Variants in DLG2 observed in about 807,000 individuals in gnomAD.
The protein encoded by DLG2 is discs large MAGUK scaffold protein 2.
In DLG2, 45 loss-of-function variants were observed where a neutral mutation model predicts 132.5. The observed-to-expected ratio is 0.34, with a 90% CI of 0.27 to 0.44. The LOEUF (loss-of-function observed/expected upper bound fraction) is 0.44. DLG2 is among the 20% of genes least tolerant of loss of function. DLG2 has a pLI of 1.00. For synonymous variants in DLG2, 424 were observed against 419.6 expected (o/e 1.01, Z -0.13); for missense variants, 1,045 against 1,196.9 (o/e 0.87, Z 1.87).
intron 6 of DLG2, among the ~76,000 whole-genome samples, chr11:84,995,728 T>A (rs188319985): frequency 0.021 from 3,194 of 151,590 alleles, 54 homozygotes; most frequent in Admixed American, 0.042. Flanking sequence ...AATTTTTTTT[T>A]AAAAAAAAAG....
intron 11 of DLG2, among the ~76,000 whole-genome samples, chr11:84,046,012 T>G (rs1216082934): frequency 6.6e-6 from 1 of 151,606 alleles, no homozygotes; most frequent in African/African-American, 2.4e-5. Context: ...GTCTCCCAAG[T>G]GAACAGCTAC....
At chr11:85,583,668 T>C (rs993015961) in intron 3 of DLG2, among the ~76,000 whole-genome samples, 10 of 152,186 alleles carry the variant, frequency 6.6e-5, no homozygotes, top group African/African-American at 2.4e-4. Flanking sequence ...TCTCTAACTC[T>C]TCTATCTTTC....
At chr11:85,040,910 AAG>A (rs1231853324) in intron 6 of DLG2, among the ~76,000 whole-genome samples, 1 of 151,850 alleles carries the variant, frequency 6.6e-6, no homozygotes, top group African/African-American at 2.4e-5. Flanking sequence ...TGAGGAAACT[AAG>A]AGAAAAACGA....
chr11:84,547,639 A>C (rs916119743), intron 6 of DLG2, among the ~76,000 whole-genome samples: 14 of 152,172 alleles, frequency 9.2e-5, no homozygotes, highest in Admixed American at 2.6e-4. Context: ...ATATCTTTCC[A>C]GATGCTTTCC....
intron 6 of DLG2, among the ~76,000 whole-genome samples, chr11:84,860,115 A>C (rs2083414065): frequency 6.6e-6 from 1 of 152,146 alleles, no homozygotes; most frequent in Non-Finnish European, 1.5e-5. Context: ...GAAATCAACA[A>C]ACATTTGTTG....
chr11:85,135,534 A>G (rs1358466561), intron 5 of DLG2, among the ~76,000 whole-genome samples: 1 of 152,204 alleles, frequency 6.6e-6, no homozygotes, highest in Non-Finnish European at 1.5e-5. Context: ...TTAGTCTTCT[A>G]ACGTTGGTGG....
chr11:84,907,610 T>G (rs55664471), intron 6 of DLG2, among the ~76,000 whole-genome samples: 17,194 of 152,174 alleles, frequency 0.11, 1,013 homozygotes, highest in African/African-American at 0.14. Flanking sequence ...TAACTAATTT[T>G]GCCTGGGATA....
chr11:85,282,487 T>C (rs558217394), intron 4 of DLG2, among the ~76,000 whole-genome samples: 1 of 144,796 alleles, frequency 6.9e-6, no homozygotes, highest in East Asian at 2.0e-4. Context: ...TGTATAACTA[T>C]TATGTATCCA....
intron 3 of DLG2, among the ~76,000 whole-genome samples, chr11:85,363,184 G>C (rs1802321104): frequency 6.6e-6 from 1 of 152,280 alleles, no homozygotes; most frequent in East Asian, 1.9e-4. Context: ...AAACCATCAT[G>C]GTATTTACTA....
At chr11:83,485,903 G>T (rs1012423224) in intron 21 of DLG2, among the ~76,000 whole-genome samples, 7 of 152,064 alleles carry the variant, frequency 4.6e-5, no homozygotes, top group African/African-American at 1.7e-4. Flanking sequence ...CAGCAAAGTA[G>T]TAGAGCTCAA....
intron 17 of DLG2, among the ~76,000 whole-genome samples, chr11:83,792,273 T>A (rs566027336): frequency 1.4e-3 from 209 of 152,362 alleles, no homozygotes; most frequent in African/African-American, 4.1e-3. Context: ...TGTTTTTTTT[T>A]AATTTGCTAT....
chr11:83,821,144 A>G (rs1231051919), intron 17 of DLG2, among the ~76,000 whole-genome samples: 1 of 152,246 alleles, frequency 6.6e-6, no homozygotes, highest in Non-Finnish European at 1.5e-5. Context: ...CTAGCTGGAA[A>G]GTTCACATCT....
intron 6 of DLG2, among the ~76,000 whole-genome samples, chr11:85,066,477 G>A (rs1033550525): frequency 5.3e-5 from 8 of 151,410 alleles, no homozygotes; most frequent in Non-Finnish European, 1.2e-4. Context: ...ACAAAGACAG[G>A]CAAGAACACA....
At chr11:84,513,627 C>T (rs1449943631) in intron 7 of DLG2, among the ~76,000 whole-genome samples, 1 of 151,998 alleles carries the variant, frequency 6.6e-6, no homozygotes, top group African/African-American at 2.4e-5. Flanking sequence ...AACTGGATAT[C>T]CATATGCAGA....
Position 84,082,222 on chromosome 11 carries a change from A to ATGGC in DLG2, c.749+16700_749+16701insGCCA, listed in dbSNP as rs1167565746. On this transcript the variant is annotated intron_variant, in intron 10 of 27. Transcript: ENST00000376104. ...GAAACTCTACAAGCCAAAATTTACA[A>ATGGC]AATATTTTTAAAGTACAATGCCTGT... 5.9e-5 allele frequency among the ~76,000 whole-genome samples: 9 copies of ATGGC among 152,336 alleles called. No homozygotes were observed. In the East Asian group the frequency reaches 1.7e-3, roughly 29 times the overall value.
At chr11:84,339,699 A>C (rs1445959347) in intron 7 of DLG2, among the ~76,000 whole-genome samples, 1 of 152,196 alleles carries the variant, frequency 6.6e-6, no homozygotes, top group Non-Finnish European at 1.5e-5. Flanking sequence ...TGAATTCTGG[A>C]ACCTGGAATT....
At chr11:84,268,997 G>A (rs894883978) in intron 7 of DLG2, among the ~76,000 whole-genome samples, 11 of 149,236 alleles carry the variant, frequency 7.4e-5, no homozygotes, top group Admixed American at 6.8e-5. Flanking sequence ...TATTTGGGAG[G>A]ATGTTTTATT....
At chr11:84,731,926 A>G (rs1347051773) in intron 6 of DLG2, among the ~76,000 whole-genome samples, 2 of 151,734 alleles carry the variant, frequency 1.3e-5, no homozygotes, top group Non-Finnish European at 2.9e-5. Flanking sequence ...TATAACCTCT[A>G]CCCCTCATAC....
chr11:84,276,704 A>T (rs970922569), intron 7 of DLG2, among the ~76,000 whole-genome samples: 1 of 152,204 alleles, frequency 6.6e-6, no homozygotes, highest in African/African-American at 2.4e-5. Flanking sequence ...ATATGTCACG[A>T]TGCTCTAACT....
Sources: allele counts gnomAD v4.1 joint callset (sites outside exome capture counted in the v4.1 genomes callset), GRCh38; gene constraint gnomAD v4.1.1; transcripts MANE v1.5; gene names NCBI Gene and HGNC (gene_info 2026-07-23, HGNC 2026-07-21).